CLPB: variants seen among roughly 807,000 people sequenced by gnomAD.
CLPB encodes the protein ClpB family mitochondrial disaggregase.
Under a neutral mutation model 78.4 loss-of-function variants are expected in CLPB, and 40 were observed. The observed-to-expected ratio is 0.51, with a 90% CI of 0.40 to 0.66. CLPB has a LOEUF of 0.66. Among genes scored for constraint, CLPB ranks in the 30% least tolerant of loss-of-function variants. CLPB has a pLI of 0.00. For missense variants in CLPB, 780 were observed against 886.9 expected (o/e 0.88, Z 1.53); for synonymous variants, 333 against 348.0 (o/e 0.96, Z 0.48).
intron 3 of CLPB, among the ~76,000 whole-genome samples, chr11:72,394,414 A>G (rs1029653956): frequency 3.9e-5 from 6 of 151,996 alleles, no homozygotes; most frequent in African/African-American, 1.2e-4. Context: ...CCTATCCCCA[A>G]CTGCCACTCT....
intron 4 of CLPB, among the ~76,000 whole-genome samples, chr11:72,364,872 T>C (rs1433064100): frequency 1.3e-5 from 2 of 152,176 alleles, no homozygotes; most frequent in African/African-American, 2.4e-5. Context: ...TCCAAACAGA[T>C]AATATCACCT....
chr11:72,357,246 C>G (rs1039461156), intron 5 of CLPB: 2 of 152,190 alleles, frequency 1.3e-5, no homozygotes, highest in Non-Finnish European at 2.9e-5. Flanking sequence ...GTGCGTGTTC[C>G]TGGGAAGTTC....
intron 3 of CLPB, among the ~76,000 whole-genome samples, chr11:72,399,794 T>C (rs1855510602): frequency 6.6e-6 from 1 of 152,230 alleles, no homozygotes; most frequent in South Asian, 2.1e-4. Flanking sequence ...TTCATCGAAA[T>C]CTAATTCAAA....
chr11:72,402,260 CA>C (rs55809454), intron 3 of CLPB, among the ~76,000 whole-genome samples: 2 of 152,010 alleles, frequency 1.3e-5, no homozygotes, highest in African/African-American at 4.8e-5. Context: ...GACTGTATCT[CA>C]AAAAAACCCC....
intron 11 of CLPB, among the ~76,000 whole-genome samples, chr11:72,299,499 C>A (rs957305741): frequency 2.0e-5 from 3 of 151,950 alleles, no homozygotes; most frequent in Non-Finnish European, 2.9e-5. Context: ...TACTGACCAG[C>A]TGCAGTTCCC....
chr11:72,422,470 C>T (rs1484334741), intron 2 of CLPB, among the ~76,000 whole-genome samples: 2 of 152,064 alleles, frequency 1.3e-5, no homozygotes. Flanking sequence ...CATTATGCTG[C>T]CTTTCCAACA....
chr11:72,400,347 A>C (rs1051570337), intron 3 of CLPB, among the ~76,000 whole-genome samples: 1 of 152,032 alleles, frequency 6.6e-6, no homozygotes, highest in Non-Finnish European at 1.5e-5. Flanking sequence ...AGTCCTAGGA[A>C]CCAAAGCAAG....
intron 4 of CLPB, among the ~76,000 whole-genome samples, chr11:72,366,864 C>T (rs2135639518): frequency 6.6e-6 from 1 of 152,242 alleles, no homozygotes; most frequent in South Asian, 2.1e-4. Context: ...CCAGAAATCT[C>T]ATTACTGGGT....
At chr11:72,397,253 A>G (rs1855434301) in intron 3 of CLPB, among the ~76,000 whole-genome samples, 1 of 152,104 alleles carries the variant, frequency 6.6e-6, no homozygotes, top group African/African-American at 2.4e-5. Context: ...GATATACCAC[A>G]ATTTGTTGGT....
rs572823052 is a variant in CLPB, at chr11:72,319,514, T to C, written c.874-2294A>G. Among the ~76,000 whole-genome samples, 11 of 152,288 alleles carry C rather than the reference T, an allele frequency of 7.2e-5. 1 individual carries two copies. The South Asian group carries it at 1.9e-3, about 26-fold the overall frequency. Reference sequence around the variant, plus strand: ...TTCTTTTGGCTCACAGTGAGGCAAGTTGTGTACAAAAATATGCTTTGCTCC... The same window carrying C: ...TTCTTTTGGCTCACAGTGAGGCAAGCTGTGTACAAAAATATGCTTTGCTCC... On this transcript the variant is annotated intron_variant, in intron 6 of 15. Transcript: ENST00000538039.
chr11:72,376,897 T>C (rs961233374), intron 4 of CLPB, among the ~76,000 whole-genome samples: 7 of 152,134 alleles, frequency 4.6e-5, no homozygotes, highest in Admixed American at 3.9e-4. Context: ...CTCGAACTCC[T>C]AGCCTCAGGT....
At chr11:72,382,613 C>T (rs1392549855) in intron 3 of CLPB, among the ~76,000 whole-genome samples, 1 of 152,220 alleles carries the variant, frequency 6.6e-6, no homozygotes, top group East Asian at 1.9e-4. Flanking sequence ...CCTGCTGACC[C>T]AGGTACCAGG....
intron 5 of CLPB, among the ~76,000 whole-genome samples, chr11:72,343,323 A>G (rs1950454807): frequency 6.6e-6 from 1 of 152,156 alleles, no homozygotes; most frequent in Non-Finnish European, 1.5e-5. Flanking sequence ...GCACTTCCCT[A>G]TATGGAGAGA....
intron 4 of CLPB, among the ~76,000 whole-genome samples, chr11:72,363,974 A>G (rs1461073928): frequency 1.3e-5 from 2 of 152,172 alleles, no homozygotes; most frequent in East Asian, 3.8e-4. Context: ...GCATCACAGC[A>G]CCAGTTAGAA....
intron 11 of CLPB, among the ~76,000 whole-genome samples, chr11:72,297,135 C>A (rs968340803): frequency 2.0e-5 from 3 of 152,220 alleles, no homozygotes; most frequent in African/African-American, 7.2e-5. Flanking sequence ...CCTGAGATTT[C>A]TTTTGGGAAG....
chr11:72,330,197 C>G (rs2135550678), intron 5 of CLPB, among the ~76,000 whole-genome samples: 1 of 152,336 alleles, frequency 6.6e-6, no homozygotes, highest in East Asian at 1.9e-4. Context: ...GGGTTCCTTT[C>G]TAAGGCAGAG....
At chr11:72,330,236 C>T (rs1439852806) in intron 5 of CLPB, among the ~76,000 whole-genome samples, 4 of 142,136 alleles carry the variant, frequency 2.8e-5, no homozygotes, top group Non-Finnish European at 4.4e-5. Flanking sequence ...TAAATGGTTC[C>T]CCTTCTTTGT....
At chr11:72,303,041 T>C (rs1949687712) in intron 9 of CLPB, 1 of 152,330 alleles carries the variant, frequency 6.6e-6, no homozygotes, top group Non-Finnish European at 1.5e-5. Context: ...GTGAGGGCCA[T>C]GGTTAGCCCT....
At chr11:72,309,149 A>G (rs775182832) in intron 7 of CLPB, among the ~76,000 whole-genome samples, 7 of 152,134 alleles carry the variant, frequency 4.6e-5, no homozygotes, top group Non-Finnish European at 1.0e-4. Context: ...CTGGAAGTCA[A>G]TCAAAGGCAA....
Sources: gnomAD v4.1 joint callset for allele counts (sites outside exome capture counted in the v4.1 genomes callset) on GRCh38, gnomAD v4.1.1 for gene constraint, MANE v1.5 for transcripts, NCBI Gene and HGNC (gene_info 2026-07-23, HGNC 2026-07-21) for gene names.